Variants in PTPRZ1 observed in about 807,000 individuals in gnomAD.
PTPRZ1 encodes receptor-type tyrosine-protein phosphatase zeta.
In PTPRZ1, 82 loss-of-function variants were observed where a neutral mutation model predicts 214.1. That is an observed-to-expected ratio of 0.38 (90% CI 0.32 to 0.46). The LOEUF (loss-of-function observed/expected upper bound fraction) is 0.46. Among genes scored for constraint, PTPRZ1 ranks in the 20% least tolerant of loss-of-function variants. The pLI, the probability that PTPRZ1 is intolerant of heterozygous loss-of-function variation, is 1.00. For synonymous variants in PTPRZ1, 945 were observed against 987.9 expected, an observed-to-expected ratio of 0.96 and a Z score of 0.81; for missense variants, 2,603 against 2,748.7, an observed-to-expected ratio of 0.95 and a Z score of 1.19.
In PTPRZ1 at chr7:122,055,027, C is replaced by A. The variant is rs1438794729; in HGVS notation, c.6468C>A (p.His2156Gln). 4 of 1,603,436 alleles carry A rather than the reference C, an allele frequency of 2.5e-6. No homozygotes were observed. The African/African-American group carries it at 5.4e-5, about 21-fold the overall frequency. Residue 2156 changes from histidine (H) to glutamine (Q), a missense_variant, in exon 27 of 30, where the codon CAC (histidine) becomes CAA (glutamine). Around this residue, in one of 6 missense-constraint regions of PTPRZ1, gnomAD observed 134 missense variants for 183.3 expected, o/e 0.73. Transcript: ENST00000393386. ...SFKVTLMAEEHKCLSNEEKLI... is the reference protein window; with the variant it reads ...SFKVTLMAEEQKCLSNEEKLI... ...AGGTCACTCTTATGGCTGAAGAACA[C>A]AAATGTCTATCTAATGAGGAAAAAC... is the stretch of plus-strand genomic sequence containing the variant.
At chr7:121,938,504 C>G (rs1252325723) in intron 2 of PTPRZ1, among the ~76,000 whole-genome samples, 1 of 152,180 alleles carries the variant, frequency 6.6e-6, no homozygotes, top group South Asian at 2.1e-4. Flanking sequence ...CAAGTTGGAG[C>G]CAGAGGCTCA....
intron 6 of PTPRZ1, among the ~76,000 whole-genome samples, chr7:121,980,304 C>A (rs1477504697): frequency 6.6e-6 from 1 of 152,144 alleles, no homozygotes; most frequent in Non-Finnish European, 1.5e-5. Flanking sequence ...GGAAAAGGAA[C>A]AATTACAGTC....
At chr7:122,047,169 T>C (rs998725430) in intron 23 of PTPRZ1, among the ~76,000 whole-genome samples, 1 of 152,228 alleles carries the variant, frequency 6.6e-6, no homozygotes, top group Non-Finnish European at 1.5e-5. Context: ...AAGTCATTGA[T>C]GACCTTTGTC....
Position 121,975,212 on chromosome 7 carries a change from A to G in PTPRZ1, c.457-961A>G, listed in dbSNP as rs915731473. On this transcript the variant is annotated intron_variant, in intron 4 of 29. Coordinates refer to ENST00000393386, the MANE Select transcript of PTPRZ1 (RefSeq NM_002851.3). ...AAAACAAACAAACAAAAGCCTTATCAGTTTTTCTCCTAAATACCATATGGG... is the reference window on the plus strand; with the variant it reads ...AAAACAAACAAACAAAAGCCTTATCGGTTTTTCTCCTAAATACCATATGGG... Among the ~76,000 whole-genome samples, 4 of 152,162 alleles carry G rather than the reference A, an allele frequency of 2.6e-5. No individual in the cohort carries two copies. The East Asian group carries it at 5.8e-4, about 22-fold the overall frequency.
chr7:122,038,958 A>G (rs1283277455), intron 19 of PTPRZ1, 69 bp downstream of exon 19: 13 of 1,548,120 alleles, frequency 8.4e-6, no homozygotes, highest in African/African-American at 1.4e-5. Context: ...GTTTTAATAG[A>G]GTCAGCATTA....
At chr7:121,900,324 G>T (rs532351361) in intron 1 of PTPRZ1, among the ~76,000 whole-genome samples, 1 of 152,280 alleles carries the variant, frequency 6.6e-6, no homozygotes, top group Non-Finnish European at 1.5e-5. Context: ...TACAAACTTT[G>T]CCTTGTCTCT....
At chr7:121,885,039 G>T (rs1298992882) in intron 1 of PTPRZ1, among the ~76,000 whole-genome samples, 1 of 152,126 alleles carries the variant, frequency 6.6e-6, no homozygotes, top group Non-Finnish European at 1.5e-5. Context: ...TAGGTTATTT[G>T]GTTAAGGAGA....
intron 20 of PTPRZ1, among the ~76,000 whole-genome samples, chr7:122,040,259 C>T (rs960691602): frequency 1.3e-5 from 2 of 152,098 alleles, no homozygotes; most frequent in African/African-American, 4.8e-5. Flanking sequence ...TCAGGTTCTT[C>T]AAAGAAACAG....
At chr7:122,031,702 T>C (rs979953792) in intron 15 of PTPRZ1, 143 bp downstream of exon 15, 1 of 544,922 alleles carries the variant, frequency 1.8e-6, no homozygotes, top group Admixed American at 3.4e-5. Flanking sequence ...TACATATGTG[T>C]TTAGGAGATG....
chr7:121,917,821 T>A (rs1226837751), intron 1 of PTPRZ1, among the ~76,000 whole-genome samples: 1 of 152,134 alleles, frequency 6.6e-6, no homozygotes, highest in African/African-American at 2.4e-5. Flanking sequence ...CATAAAAAAA[T>A]ATGTGTTTAT....
chr7:121,961,541 C>T (rs1390673182), intron 2 of PTPRZ1, among the ~76,000 whole-genome samples: 2 of 152,138 alleles, frequency 1.3e-5, no homozygotes, highest in Non-Finnish European at 2.9e-5. Flanking sequence ...TAACAGACCC[C>T]CACCCTTCTG....
At chr7:122,000,394 A>G (rs937009638) in intron 10 of PTPRZ1, among the ~76,000 whole-genome samples, 2 of 151,650 alleles carry the variant, frequency 1.3e-5, no homozygotes, top group African/African-American at 2.4e-5. Flanking sequence ...AGATTAGTGA[A>G]TTTTATTATT....
At chr7:121,974,505 T>C (rs1173013482) in intron 4 of PTPRZ1, among the ~76,000 whole-genome samples, 2 of 152,184 alleles carry the variant, frequency 1.3e-5, no homozygotes, top group African/African-American at 4.8e-5. Context: ...GTTGTTGCTT[T>C]GAGACAGAGT....
chr7:121,935,552 G>T (rs1302354424), intron 2 of PTPRZ1, among the ~76,000 whole-genome samples: 5 of 63,158 alleles, frequency 7.9e-5, no homozygotes, highest in Non-Finnish European at 1.2e-4. Flanking sequence ...TTTTTTGTTT[G>T]TTTGTTTGTT....
At position 122,036,320 on chromosome 7, in the gene PTPRZ1, C is replaced by A. The variant is rs143808289; in HGVS notation, c.5285-280C>A. 1.6e-3 allele frequency among the ~76,000 whole-genome samples: 251 copies of A among 152,294 alleles called. 2 individuals are homozygous for A. In the East Asian group the frequency reaches 0.04, roughly 24 times the overall value. ...CTTTTATCTCAAACTAAAACAATTT[C>A]TGTTTTCATATCCCTCCACTACATT... On this transcript the variant is annotated intron_variant, in intron 17 of 29. Transcript: ENST00000393386.
intron 8 of PTPRZ1, among the ~76,000 whole-genome samples, chr7:121,990,340 C>T (rs1017096464): frequency 1.3e-5 from 2 of 151,966 alleles, no homozygotes; most frequent in Admixed American, 1.3e-4. Context: ...AGCAGGCGCT[C>T]AATAGATTAT....
At chr7:122,041,052 GC>G in intron 21 of PTPRZ1, 73 bp downstream of exon 21, 1 of 1,295,586 alleles carries the variant, frequency 7.7e-7, no homozygotes, top group Non-Finnish European at 1.0e-6. Context: ...ATGGAACAAA[GC>G]TTTTGCCCAA....
intron 1 of PTPRZ1, among the ~76,000 whole-genome samples, chr7:121,926,812 T>C (rs1482529131): frequency 6.6e-6 from 1 of 152,228 alleles, no homozygotes. Flanking sequence ...GATTATATTT[T>C]AATAAAACTA....
intron 27 of PTPRZ1, among the ~76,000 whole-genome samples, chr7:122,058,200 T>C (rs930887569): frequency 2.6e-5 from 4 of 151,958 alleles, no homozygotes; most frequent in African/African-American, 9.7e-5. Flanking sequence ...TAGGTTCTGC[T>C]ACTTGTTTTT....
Sources: allele counts gnomAD v4.1 joint callset (sites outside exome capture counted in the v4.1 genomes callset), GRCh38; gene constraint gnomAD v4.1.1; regional missense constraint gnomAD v4.1.1; transcripts MANE v1.5; gene names NCBI Gene and HGNC (gene_info 2026-07-23, HGNC 2026-07-21).